CNTNAP5: variants seen among roughly 807,000 people sequenced by gnomAD.
CNTNAP5 encodes the protein contactin-associated protein-like 5.
Under a neutral mutation model 150.2 loss-of-function variants are expected in CNTNAP5, and 72 were observed. The observed-to-expected ratio is 0.48, with a 90% CI of 0.40 to 0.58. CNTNAP5 has a LOEUF of 0.58. Among genes scored for constraint, CNTNAP5 ranks in the 20% least tolerant of loss-of-function variants. CNTNAP5 has a pLI of 0.00. For synonymous variants in CNTNAP5, 672 were observed against 619.8 expected, an observed-to-expected ratio of 1.08 and a Z score of -1.25; for missense variants, 1,636 against 1,626.2, an observed-to-expected ratio of 1.01 and a Z score of -0.10.
intron 14 of CNTNAP5, among the ~76,000 whole-genome samples, chr2:124,756,606 C>A (rs1465652980): frequency 6.6e-6 from 1 of 152,156 alleles, no homozygotes; most frequent in Non-Finnish European, 1.5e-5. Flanking sequence ...AGATCATGTG[C>A]TTTGCAGGGA....
chr2:124,590,709 G>A (rs1178262583), intron 11 of CNTNAP5, among the ~76,000 whole-genome samples: 1 of 152,008 alleles, frequency 6.6e-6, no homozygotes, highest in African/African-American at 2.4e-5. Context: ...TATATTGCTG[G>A]GGACATAGGA....
intron 3 of CNTNAP5, among the ~76,000 whole-genome samples, chr2:124,374,145 A>G (rs763643077): frequency 1.3e-5 from 2 of 152,218 alleles, no homozygotes; most frequent in South Asian, 2.1e-4. Context: ...TTAGATTTTA[A>G]GTACAAATTA....
At chr2:124,800,376 C>T (rs1219479650) in intron 19 of CNTNAP5, among the ~76,000 whole-genome samples, 4 of 109,026 alleles carry the variant, frequency 3.7e-5, no homozygotes, top group African/African-American at 7.2e-5. Flanking sequence ...CACACATATA[C>T]ACACACACAC....
At chr2:124,516,007 AG>A (rs1158173151) in intron 8 of CNTNAP5, among the ~76,000 whole-genome samples, 1 of 152,158 alleles carries the variant, frequency 6.6e-6, no homozygotes, top group Non-Finnish European at 1.5e-5. Context: ...AAGAGACAGG[AG>A]GCTGGGAAAA....
At chr2:124,752,606 T>C (rs1316272984) in intron 14 of CNTNAP5, among the ~76,000 whole-genome samples, 1 of 152,116 alleles carries the variant, frequency 6.6e-6, no homozygotes, top group African/African-American at 2.4e-5. Flanking sequence ...CTCAGCCAAA[T>C]CACTAAATTG....
At position 124,259,202 on chromosome 2, in the gene CNTNAP5, G is replaced by T. The variant is rs190218849; in HGVS notation, c.381+16809G>T. Among the ~76,000 whole-genome samples the T allele has an allele frequency of 2.1e-4, 32 of 152,036 alleles. No homozygotes were observed. In the East Asian group the frequency reaches 4.1e-3, roughly 19 times the overall value. On this transcript the variant is annotated intron_variant, in intron 3 of 23. Transcript: ENST00000682447. Reference sequence around the variant, plus strand: ...GGACATGAACTCATCCTTTTTTACCGCTGCATAGTATTCCATGGTGTATAT... The same window carrying T: ...GGACATGAACTCATCCTTTTTTACCTCTGCATAGTATTCCATGGTGTATAT...
intron 4 of CNTNAP5, among the ~76,000 whole-genome samples, chr2:124,423,508 CTTTA>C (rs903985358): frequency 3.9e-5 from 6 of 151,984 alleles, no homozygotes; most frequent in East Asian, 1.9e-4. Context: ...AGCTAATTAA[CTTTA>C]TTTATTTATT....
chr2:124,582,534 TG>T (rs1013283017), intron 11 of CNTNAP5, among the ~76,000 whole-genome samples: 6 of 152,300 alleles, frequency 3.9e-5, no homozygotes, highest in African/African-American at 1.4e-4. Flanking sequence ...CTTGCCTACC[TG>T]GGCTAGCAGC....
At chr2:124,384,594 T>C (rs1422028064) in intron 3 of CNTNAP5, among the ~76,000 whole-genome samples, 1 of 152,144 alleles carries the variant, frequency 6.6e-6, no homozygotes, top group Non-Finnish European at 1.5e-5. Context: ...AACTGAGACT[T>C]AGAAAAAGTA....
chr2:124,166,631 A>C (rs1684814784), intron 1 of CNTNAP5, among the ~76,000 whole-genome samples: 1 of 152,182 alleles, frequency 6.6e-6, no homozygotes, highest in South Asian at 2.1e-4. Context: ...TTGTGCCAAT[A>C]ATTCAAGCTA....
chr2:124,424,505 T>C (rs1692193899), intron 4 of CNTNAP5, among the ~76,000 whole-genome samples: 1 of 152,216 alleles, frequency 6.6e-6, no homozygotes, highest in South Asian at 2.1e-4. Context: ...CTCATTAGAT[T>C]TGAGAATAAA....
intron 3 of CNTNAP5, among the ~76,000 whole-genome samples, chr2:124,339,507 G>A (rs978623403): frequency 2.6e-5 from 4 of 152,168 alleles, no homozygotes; most frequent in African/African-American, 9.6e-5. Context: ...TAAGGGCAAA[G>A]GGAATTGTTT....
intron 3 of CNTNAP5, among the ~76,000 whole-genome samples, chr2:124,330,878 A>C (rs1195634593): frequency 6.6e-6 from 1 of 152,024 alleles, no homozygotes; most frequent in Non-Finnish European, 1.5e-5. Flanking sequence ...ACAAAACATA[A>C]AAAGAATCAG....
At chr2:124,088,091 AC>A (rs1682734056) in intron 1 of CNTNAP5, among the ~76,000 whole-genome samples, 1 of 151,666 alleles carries the variant, frequency 6.6e-6, no homozygotes, top group Admixed American at 6.6e-5. Flanking sequence ...CTTGTTACTG[AC>A]CCCCAGTCAC....
chr2:124,058,227 C>A (rs1320144008), intron 1 of CNTNAP5, among the ~76,000 whole-genome samples: 2 of 152,032 alleles, frequency 1.3e-5, no homozygotes, highest in East Asian at 1.9e-4. Context: ...GAACGTGTAA[C>A]AATAGAATAA....
intron 1 of CNTNAP5, among the ~76,000 whole-genome samples, chr2:124,126,778 C>A (rs1234463863): frequency 1.3e-5 from 2 of 152,130 alleles, no homozygotes; most frequent in Non-Finnish European, 2.9e-5. Flanking sequence ...TAAATGTAAT[C>A]CATCATATAA....
intron 3 of CNTNAP5, among the ~76,000 whole-genome samples, chr2:124,322,051 G>A (rs1689113594): frequency 6.6e-6 from 1 of 152,048 alleles, no homozygotes; most frequent in African/African-American, 2.4e-5. Context: ...TTGGGAGACT[G>A]AGGCAGGAGA....
At chr2:124,270,636 T>C (rs1325378922) in intron 3 of CNTNAP5, among the ~76,000 whole-genome samples, 2 of 152,188 alleles carry the variant, frequency 1.3e-5, no homozygotes, top group Non-Finnish European at 2.9e-5. Context: ...GAATGACTAC[T>C]GAGTATGTAA....
intron 1 of CNTNAP5, among the ~76,000 whole-genome samples, chr2:124,152,093 A>G (rs1028338147): frequency 6.6e-6 from 1 of 152,190 alleles, no homozygotes; most frequent in African/African-American, 2.4e-5. Flanking sequence ...GCATTTTTTT[A>G]GAAAAGAAAG....
Sources: allele counts gnomAD v4.1 joint callset (sites outside exome capture counted in the v4.1 genomes callset), GRCh38; gene constraint gnomAD v4.1.1; transcripts MANE v1.5; gene names NCBI Gene and HGNC (gene_info 2026-07-23, HGNC 2026-07-21).